Variants in LDLRAD4 observed in about 807,000 individuals in gnomAD.
LDLRAD4 encodes the protein low density lipoprotein receptor class A domain containing 4.
A neutral mutation model predicts 17.0 loss-of-function variants in LDLRAD4; 5 were observed. That is an observed-to-expected ratio of 0.29 (90% CI 0.15 to 0.62). The LOEUF is 0.62. Among genes scored for constraint, LDLRAD4 ranks in the 20% least tolerant of loss-of-function variants. The pLI is 0.84. For missense variants in LDLRAD4, 340 were observed against 424.7 expected (o/e 0.80, Z 1.75); for synonymous variants, 168 against 171.8 (o/e 0.98, Z 0.17).
intron 3 of LDLRAD4, among the ~76,000 whole-genome samples, chr18:13,574,651 G>A (rs1229501182): frequency 1.3e-5 from 2 of 152,134 alleles, no homozygotes; most frequent in Non-Finnish European, 2.9e-5. Context: ...TTGAGTGTGA[G>A]CACTTCACAC....
At chr18:13,451,044 C>T (rs946343177) in intron 3 of LDLRAD4, among the ~76,000 whole-genome samples, 8 of 152,104 alleles carry the variant, frequency 5.3e-5, no homozygotes, top group Non-Finnish European at 1.0e-4. Flanking sequence ...GTTGTATAGC[C>T]GGAAGGTCCT....
intron 1 of LDLRAD4, chr18:13,239,596 TG>T (rs1377059436): frequency 6.6e-6 from 1 of 152,292 alleles, no homozygotes; most frequent in African/African-American, 2.4e-5. Flanking sequence ...AGAGGGGGCT[TG>T]GGCCAGCCAT....
intron 3 of LDLRAD4, among the ~76,000 whole-genome samples, chr18:13,454,523 G>A (rs1192915185): frequency 2.0e-5 from 3 of 152,032 alleles, no homozygotes; most frequent in African/African-American, 4.8e-5. Context: ...CCTTATTTTC[G>A]TGCTCTTACT....
chr18:13,436,069 T>C (rs1352794493), intron 2 of LDLRAD4, among the ~76,000 whole-genome samples: 2 of 152,234 alleles, frequency 1.3e-5, no homozygotes, highest in Non-Finnish European at 2.9e-5. Context: ...TCAACAAATG[T>C]GTGATTCACC....
At chr18:13,221,535 T>C (rs1458206110) in intron 1 of LDLRAD4, among the ~76,000 whole-genome samples, 1 of 152,230 alleles carries the variant, frequency 6.6e-6, no homozygotes, top group Non-Finnish European at 1.5e-5. Flanking sequence ...CCACAAGACC[T>C]GCCACTTTTT....
intron 3 of LDLRAD4, among the ~76,000 whole-genome samples, chr18:13,525,880 T>G (rs955188352): frequency 1.3e-5 from 2 of 152,224 alleles, no homozygotes; most frequent in Non-Finnish European, 2.9e-5. Context: ...CAGCGGGGCC[T>G]CACCACCCCC....
chr18:13,523,565 C>T (rs897296116), intron 3 of LDLRAD4, among the ~76,000 whole-genome samples: 1 of 152,172 alleles, frequency 6.6e-6, no homozygotes, highest in Non-Finnish European at 1.5e-5. Flanking sequence ...TTGTTCTGAG[C>T]TTCTGGATTG....
At chr18:13,473,877 A>T (rs978212616) in intron 3 of LDLRAD4, among the ~76,000 whole-genome samples, 1 of 151,390 alleles carries the variant, frequency 6.6e-6, no homozygotes, top group Admixed American at 6.6e-5. Context: ...GCTCTTGCTG[A>T]TGTGGTTTGG....
At chr18:13,634,737 A>C (rs1364246201) in intron 4 of LDLRAD4, among the ~76,000 whole-genome samples, 1 of 151,578 alleles carries the variant, frequency 6.6e-6, no homozygotes, top group Non-Finnish European at 1.5e-5. Context: ...ACGTTTATAT[A>C]TTATCTCAAG....
intron 3 of LDLRAD4, among the ~76,000 whole-genome samples, chr18:13,605,763 A>T (rs1189273201): frequency 2.0e-5 from 3 of 152,178 alleles, no homozygotes; most frequent in Non-Finnish European, 4.4e-5. Flanking sequence ...TTGTTGAATG[A>T]CAATTAGCAA....
intron 1 of LDLRAD4, among the ~76,000 whole-genome samples, chr18:13,318,413 C>A (rs1254017819): frequency 6.6e-6 from 1 of 152,090 alleles, no homozygotes; most frequent in Non-Finnish European, 1.5e-5. Context: ...AGGTGCATGC[C>A]ACCACACCCG....
At chr18:13,330,385 A>T (rs776622569) in intron 1 of LDLRAD4, among the ~76,000 whole-genome samples, 8 of 152,176 alleles carry the variant, frequency 5.3e-5, no homozygotes, top group Non-Finnish European at 2.9e-5. Context: ...TATACATTTC[A>T]GAGAGTTGGC....
intron 1 of LDLRAD4, among the ~76,000 whole-genome samples, chr18:13,270,505 A>G (rs377138701): frequency 1.1e-4 from 17 of 152,380 alleles, no homozygotes; most frequent in African/African-American, 3.8e-4. Context: ...AGTGTATCAC[A>G]GCACTGGAAG....
At chr18:13,402,813 C>G (rs773306570) in intron 2 of LDLRAD4, among the ~76,000 whole-genome samples, 1 of 152,130 alleles carries the variant, frequency 6.6e-6, no homozygotes, top group Non-Finnish European at 1.5e-5. Context: ...ACAGTTTTGT[C>G]TCGAGATTTT....
At chr18:13,585,187 C>T (rs1179494981) in intron 3 of LDLRAD4, among the ~76,000 whole-genome samples, 1 of 152,228 alleles carries the variant, frequency 6.6e-6, no homozygotes, top group Non-Finnish European at 1.5e-5. Context: ...ATCTACCTGT[C>T]TAGTCAATAC....
chr18:13,262,546 G>A (rs376734003), intron 1 of LDLRAD4, among the ~76,000 whole-genome samples: 1 of 125,814 alleles, frequency 7.9e-6, no homozygotes, highest in Non-Finnish European at 1.6e-5. Flanking sequence ...AGTCCCGTGC[G>A]GCTCTGTGCG....
At chr18:13,327,421 G>C (rs1288511583) in intron 1 of LDLRAD4, among the ~76,000 whole-genome samples, 1 of 152,068 alleles carries the variant, frequency 6.6e-6, no homozygotes, top group East Asian at 1.9e-4. Flanking sequence ...GTGAAAAGTT[G>C]GATAAGGACT....
At chr18:13,416,321 T>G (rs1022781398) in intron 2 of LDLRAD4, among the ~76,000 whole-genome samples, 15 of 152,354 alleles carry the variant, frequency 9.8e-5, no homozygotes, top group Admixed American at 6.5e-5. Context: ...TTCTTTTAAG[T>G]GGTTTGCATG....
intron 3 of LDLRAD4, chr18:13,612,773 A>AG: frequency 6.2e-7 from 1 of 1,614,102 alleles, no homozygotes; most frequent in Non-Finnish European, 8.5e-7. Context: ...TCTTAAAAAA[A>AG]GGTACATTTC....
Sources: gnomAD v4.1 joint callset for allele counts (sites outside exome capture counted in the v4.1 genomes callset) on GRCh38, gnomAD v4.1.1 for gene constraint, MANE v1.5 for transcripts, NCBI Gene and HGNC (gene_info 2026-07-23, HGNC 2026-07-21) for gene names.